The following KIF3C variants were observed in gnomAD, a reference collection of about 807,000 sequenced individuals.
The protein encoded by KIF3C is kinesin family member 3C.
A neutral mutation model predicts 67.7 loss-of-function variants in KIF3C; 12 were observed. The ratio of observed to expected loss-of-function variants is 0.18; its 90% confidence interval spans 0.11 to 0.29. The LOEUF (loss-of-function observed/expected upper bound fraction) is 0.29. Among genes scored for constraint, KIF3C ranks in the 10% least tolerant of loss-of-function variants. The probability of loss-of-function intolerance (pLI) is 1.00; values close to 1 mark genes in which losing one functional copy is unlikely to be tolerated. For missense variants in KIF3C, 789 were observed against 1,059.6 expected (o/e 0.74, Z 3.55); for synonymous variants, 393 against 426.2 (o/e 0.92, Z 0.96).
At chr2:25,973,544 ACT>A (rs1387351688) in intron 1 of KIF3C, among the ~76,000 whole-genome samples, 5 of 89,850 alleles carry the variant, frequency 5.6e-5, no homozygotes, top group Admixed American at 1.4e-4. Context: ...ACAGAGTGAG[ACT>A]CTGTCTCAAA....
At chr2:25,952,159 G>T (rs1663633157) in intron 4 of KIF3C, among the ~76,000 whole-genome samples, 2 of 152,230 alleles carry the variant, frequency 1.3e-5, no homozygotes, top group Middle Eastern at 3.4e-3. Flanking sequence ...AATTAGCTGG[G>T]CGTGGTGGTG....
chr2:25,935,243 TA>T (rs1441703862), intron 5 of KIF3C, among the ~76,000 whole-genome samples: 1 of 151,232 alleles, frequency 6.6e-6, no homozygotes, highest in Non-Finnish European at 1.5e-5. Context: ...GACTCAGTCT[TA>T]AAAAAAAATA....
At chr2:25,940,477 G>T (rs1020046763) in intron 5 of KIF3C, among the ~76,000 whole-genome samples, 2 of 151,060 alleles carry the variant, frequency 1.3e-5, no homozygotes, top group Admixed American at 6.6e-5. Context: ...AGGCTGAGGC[G>T]GAAGAATCGC....
Position 25,981,083 on chromosome 2 carries a change from CACT to C in KIF3C, c.832_834del (p.Ser278del), listed in dbSNP as rs773222432. On this transcript the variant is annotated inframe_deletion, in exon 1 of 8. Coordinates refer to ENST00000264712, the MANE Select transcript of KIF3C (RefSeq NM_002254.8). This position sits in a 1 kb window ranked among gnomAD's most constrained non-coding sequence, Gnocchi z 8.2. ...GGCCTCTCTCCACCAGCACCACCACCACTGCCTCCACCGCCACCACCGCCACCC... is the reference window on the plus strand; with the variant it reads ...GGCCTCTCTCCACCAGCACCACCACCGCCTCCACCGCCACCACCGCCACCC... 6.2e-7 allele frequency: 1 copy of C among 1,614,128 alleles called. No individual in the cohort carries two copies. The highest frequency in any genetic ancestry group is 2.2e-5 in the East Asian group (1 of 44,878).
At chr2:25,940,323 C>A (rs1350334021) in intron 5 of KIF3C, among the ~76,000 whole-genome samples, 1 of 151,954 alleles carries the variant, frequency 6.6e-6, no homozygotes, top group African/African-American at 2.4e-5. Flanking sequence ...GTAATCCTAG[C>A]AGTTTGGGAG....
At chr2:25,967,575 A>C (rs549566343) in intron 1 of KIF3C, among the ~76,000 whole-genome samples, 22 of 152,336 alleles carry the variant, frequency 1.4e-4, no homozygotes, top group Admixed American at 3.3e-4. Context: ...GGGAGGCTGA[A>C]GCAGGCAGAT....
chr2:25,932,569 A>G (rs898182699), intron 5 of KIF3C, among the ~76,000 whole-genome samples: 1 of 151,270 alleles, frequency 6.6e-6, no homozygotes, highest in Non-Finnish European at 1.5e-5. Flanking sequence ...GTGGTGGCTC[A>G]TGCCTGTAAT....
At chr2:25,965,035 C>G (rs192582929) in intron 1 of KIF3C, among the ~76,000 whole-genome samples, 1 of 152,212 alleles carries the variant, frequency 6.6e-6, no homozygotes, top group South Asian at 2.1e-4. Flanking sequence ...GAATCCTGGA[C>G]GATGACTAAC....
chr2:25,978,757 G>A (rs1664482642), intron 1 of KIF3C, among the ~76,000 whole-genome samples: 1 of 151,996 alleles, frequency 6.6e-6, no homozygotes, highest in African/African-American at 2.4e-5. Flanking sequence ...TCAGGGAGGT[G>A]GGGGGTCTTC....
At chr2:25,940,282 C>A (rs915690101) in intron 5 of KIF3C, among the ~76,000 whole-genome samples, 9 of 152,086 alleles carry the variant, frequency 5.9e-5, no homozygotes, top group Non-Finnish European at 1.0e-4. Flanking sequence ...AAAAAACTTA[C>A]TCAAGGCCAG....
rs115346476 is a variant in KIF3C at position 25,937,468 on chromosome 2, G to A, written c.2007-7405C>T. 8.6e-3 allele frequency among the ~76,000 whole-genome samples: 1,310 copies of A among 152,296 alleles called. 20 individuals carry two copies. Among genetic ancestry groups the A allele is most frequent in the African/African-American group, 0.029 (1,220 of 41,552 alleles). ...CTGAGCTTACAGGATGCCGGGAGGC[G>A]TGCCCGTGAGGAGAGGCAGCCTCAG... On this transcript the variant is annotated intron_variant, in intron 5 of 7. Coordinates refer to ENST00000264712, the MANE Select transcript of KIF3C (RefSeq NM_002254.8).
chr2:25,935,477 C>T (rs1218907812), intron 5 of KIF3C, among the ~76,000 whole-genome samples: 1 of 152,040 alleles, frequency 6.6e-6, no homozygotes, highest in African/African-American at 2.4e-5. Context: ...AATAGTCTTC[C>T]TGCCTCAGCC....
rs766687792 is a variant in KIF3C at position 25,980,503 on chromosome 2, T to G, written c.1415A>C (p.Lys472Thr). Reference protein sequence around the residue: ...QEQKERLEEEKAAIQDDRSLV... With the variant: ...QEQKERLEEETAAIQDDRSLV... Reference sequence around the variant, plus strand: ...GCTGCGGTCATCCTGGATGGCTGCCTTCTCCTCCTCCAGCCGCTCCTTCTG... The same window carrying G: ...GCTGCGGTCATCCTGGATGGCTGCCGTCTCCTCCTCCAGCCGCTCCTTCTG... The change falls in exon 1 of 8, where the codon AAG becomes ACG. Residue 472 changes from lysine (K) to threonine (T), a missense_variant. This residue lies in a region of KIF3C where 648 missense variants were observed against 807.8 expected (regional missense o/e 0.80). Transcript: ENST00000264712. The surrounding 1 kb of genome is among the most constrained non-coding windows in gnomAD (Gnocchi z 7.6). The G allele has an allele frequency of 6.2e-6, 10 of 1,614,154 alleles. No homozygotes were observed. The highest frequency in any genetic ancestry group is 7.6e-6 in the Non-Finnish European group (9 of 1,180,016).
intron 1 of KIF3C, among the ~76,000 whole-genome samples, chr2:25,961,226 A>C (rs2149236825): frequency 6.6e-6 from 1 of 152,358 alleles, no homozygotes; most frequent in South Asian, 2.1e-4. Flanking sequence ...GAGGTTATTC[A>C]AAGTTACATG....
intron 5 of KIF3C, among the ~76,000 whole-genome samples, chr2:25,930,600 T>C (rs1352265091): frequency 6.6e-6 from 1 of 152,168 alleles, no homozygotes; most frequent in Non-Finnish European, 1.5e-5. Flanking sequence ...TGCAATGGCA[T>C]GATCTTGGCT....
intron 5 of KIF3C, among the ~76,000 whole-genome samples, chr2:25,945,193 C>T (rs758300060): frequency 6.6e-6 from 1 of 151,596 alleles, no homozygotes; most frequent in Non-Finnish European, 1.5e-5. Flanking sequence ...GAGTTGCCAA[C>T]ACAAACTTAC....
chr2:25,929,943 T>TAA lies in KIF3C; in HGVS notation c.2115+11_2115+12insTT, dbSNP rs1440784738. 1 of 1,589,766 alleles carries TAA rather than the reference T, an allele frequency of 6.3e-7. No homozygotes were observed. Among genetic ancestry groups the TAA allele is most frequent in the Non-Finnish European group, 8.6e-7 (1 of 1,158,080 alleles). On this transcript the variant is annotated intron_variant, in intron 6 of 7. Transcript: ENST00000264712. ...CCTCCCGTAGGCTCTTTCTCCCCTCTCCGCTTCTTACCCTGTACCTGGGGT... is the reference window on the plus strand; with the variant it reads ...CCTCCCGTAGGCTCTTTCTCCCCTCTAACCGCTTCTTACCCTGTACCTGGGGT...
rs181675465 is a variant in KIF3C, at chr2:25,962,369, G to T, written c.1546-5925C>A. 5.6e-3 allele frequency among the ~76,000 whole-genome samples: 847 copies of T among 150,930 alleles called. 8 individuals are homozygous for T. Among genetic ancestry groups the T allele is most frequent in the African/African-American group, 0.019 (768 of 41,162 alleles). Reference sequence around the variant, plus strand: ...TACTTGGTTTCTTTCATTTTCCCTGGTTTTTTTTTGTTTGTTTTTGTTTTT... The same window carrying T: ...TACTTGGTTTCTTTCATTTTCCCTGTTTTTTTTTTGTTTGTTTTTGTTTTT... On this transcript the variant is annotated intron_variant, in intron 1 of 7. Coordinates refer to ENST00000264712, the MANE Select transcript of KIF3C (RefSeq NM_002254.8).
Position 25,955,775 on chromosome 2 carries a change from G to T in KIF3C, c.1648-112C>A, listed in dbSNP as rs1663792042. 3.6e-5 allele frequency: 46 copies of T among 1,267,222 alleles called. No individual in the cohort carries two copies. The highest frequency in any genetic ancestry group is 4.4e-5 in the Non-Finnish European group (40 of 904,662). The allele number at this position is 1,267,222 out of a possible 1,614,324, so 78.5% of individuals were successfully genotyped here. On this transcript the variant is annotated intron_variant, in intron 2 of 7. Transcript: ENST00000264712. This position sits in a 1 kb window ranked among gnomAD's most constrained non-coding sequence, Gnocchi z 5.0. The stretch of plus-strand genomic sequence containing the variant: ...TGTCTCGGGACCTGGCTTCACCATG[G>T]CCCATGGCCCACATCCACTGCTCCC...
Sources: allele counts gnomAD v4.1 joint callset (sites outside exome capture counted in the v4.1 genomes callset), GRCh38; gene constraint gnomAD v4.1.1; regional missense constraint gnomAD v4.1.1; non-coding constraint Gnocchi (gnomAD v3.1); transcripts MANE v1.5; gene names NCBI Gene and HGNC (gene_info 2026-07-23, HGNC 2026-07-21).